SWAP70: variants seen among roughly 807,000 people sequenced by gnomAD.
The protein encoded by SWAP70 is switching B cell complex subunit SWAP70.
A neutral mutation model predicts 80.2 loss-of-function variants in SWAP70; 34 were observed. The ratio of observed to expected loss-of-function variants is 0.42; its 90% CI spans 0.32 to 0.56. The LOEUF is 0.56. SWAP70 is among the 20% of genes least tolerant of loss of function. The pLI, the probability that SWAP70 is intolerant of heterozygous loss-of-function variation, is 0.09. For missense variants in SWAP70, 578 were observed against 690.7 expected (o/e 0.84, Z 1.83); for synonymous variants, 239 against 238.5 (o/e 1.00, Z -0.02).
intron 9 of SWAP70, 72 bp downstream of exon 9, chr11:9,740,419 A>G (rs1250719467): frequency 6.9e-7 from 1 of 1,458,588 alleles, no homozygotes; most frequent in South Asian, 1.1e-5. Context: ...GGAATGACTA[A>G]CACTCTGGTG....
chr11:9,699,183 T>G (rs1266892634), intron 2 of SWAP70, among the ~76,000 whole-genome samples: 2 of 152,142 alleles, frequency 1.3e-5, no homozygotes, highest in African/African-American at 4.8e-5. Flanking sequence ...GGTGAGTGAT[T>G]ACTAATGATC....
intron 3 of SWAP70, among the ~76,000 whole-genome samples, chr11:9,716,727 C>G (rs1851071125): frequency 6.6e-6 from 1 of 152,278 alleles, no homozygotes; most frequent in South Asian, 2.1e-4. Flanking sequence ...TTAGGTGGAA[C>G]ATCCTTGTGG....
chr11:9,671,553 T>A (rs1850392147), intron 1 of SWAP70, among the ~76,000 whole-genome samples: 1 of 64,038 alleles, frequency 1.6e-5, no homozygotes, highest in African/African-American at 4.9e-5. Flanking sequence ...TATATAGAAA[T>A]ATATATAAAT....
rs545559568 is a variant in SWAP70, at chr11:9,722,118, A to G, written c.415-2540A>G. Among the ~76,000 whole-genome samples, 82 of 152,356 alleles carry G rather than the reference A, an allele frequency of 5.4e-4. No homozygotes were observed. The South Asian group carries it at 0.016, about 30-fold the overall frequency. ...TCACTCAGTGCAGAAGGGAAGCAAC[A>G]TTAGTGGAGTACCTACTATGTGATG... On this transcript the variant is annotated intron_variant, in intron 3 of 11. Coordinates refer to ENST00000318950, the MANE Select transcript of SWAP70 (RefSeq NM_015055.4).
At chr11:9,681,193 A>G (rs1026490655) in intron 1 of SWAP70, 1 of 152,280 alleles carries the variant, frequency 6.6e-6, no homozygotes. Flanking sequence ...GATCTTGTCC[A>G]GTATAATTGC....
At chr11:9,718,126 T>G (rs1205858067) in intron 3 of SWAP70, among the ~76,000 whole-genome samples, 4 of 152,274 alleles carry the variant, frequency 2.6e-5, no homozygotes. Context: ...GTCTTGATTC[T>G]CTTTCAAATC....
chr11:9,671,757 T>TTTCTATGTATAAATAG (rs1565109867), intron 1 of SWAP70, among the ~76,000 whole-genome samples: 1 of 44,878 alleles, frequency 2.2e-5, no homozygotes, highest in African/African-American at 6.6e-5. Flanking sequence ...TATAAATATA[T>TTTCTATGTATAAATAG]AAATATATAA....
Position 9,713,451 on chromosome 11 carries a change from C to T in SWAP70, c.241-15C>T. 2 of 1,602,718 alleles carry T rather than the reference C, an allele frequency of 1.2e-6. No individual in the cohort carries two copies. The highest frequency in any genetic ancestry group is 2.2e-5 in the East Asian group (1 of 44,724). On this transcript the variant is annotated splice_polypyrimidine_tract_variant and intron_variant, in intron 2 of 11. Coordinates refer to ENST00000318950, the MANE Select transcript of SWAP70 (RefSeq NM_015055.4). ...TCGGACTGATTTGTTGGAGTTTTTC[C>T]TTATTCCTTTTTAGGTCCAAGACAA...
At chr11:9,689,312 A>G (rs1263088057) in intron 1 of SWAP70, among the ~76,000 whole-genome samples, 1 of 152,236 alleles carries the variant, frequency 6.6e-6, no homozygotes, top group Admixed American at 6.5e-5. Flanking sequence ...TGGCAAGCAA[A>G]CCACTGAACA....
chr11:9,695,988 G>C (rs892509497), intron 2 of SWAP70, among the ~76,000 whole-genome samples: 1 of 152,038 alleles, frequency 6.6e-6, no homozygotes, highest in Non-Finnish European at 1.5e-5. Context: ...TAGAGACGGG[G>C]CTTTGCCATG....
chr11:9,690,817 G>A (rs905612019), intron 1 of SWAP70, among the ~76,000 whole-genome samples: 1 of 152,082 alleles, frequency 6.6e-6, no homozygotes, highest in African/African-American at 2.4e-5. Context: ...AAGTTTTAAA[G>A]ATAGTACACA....
At chr11:9,748,161 T>A in intron 10 of SWAP70, 105 bp downstream of exon 10, 2 of 1,226,076 alleles carry the variant, frequency 1.6e-6, no homozygotes, top group Non-Finnish European at 2.3e-6. Flanking sequence ...GTAGTAAGAA[T>A]CTTGCTTAGC....
chr11:9,718,138 A>G (rs1851089159), intron 3 of SWAP70, among the ~76,000 whole-genome samples: 1 of 152,250 alleles, frequency 6.6e-6, no homozygotes, highest in African/African-American at 2.4e-5. Context: ...TTTCAAATCA[A>G]GTTAATCTCA....
At chr11:9,710,683 A>T (rs1850984875) in intron 2 of SWAP70, among the ~76,000 whole-genome samples, 1 of 151,290 alleles carries the variant, frequency 6.6e-6, no homozygotes, top group Non-Finnish European at 1.5e-5. Context: ...TTTCAAAAAA[A>T]ATTTTTTTTT....
intron 3 of SWAP70, among the ~76,000 whole-genome samples, chr11:9,722,740 G>A (rs1429782643): frequency 6.6e-6 from 1 of 152,176 alleles, no homozygotes; most frequent in Non-Finnish European, 1.5e-5. Flanking sequence ...TATGGTAAGA[G>A]GGTAAACTAC....
At chr11:9,749,781 G>C in intron 11 of SWAP70, 83 bp from the exon 12 acceptor site, 1 of 822,132 alleles carries the variant, frequency 1.2e-6, no homozygotes, top group African/African-American at 1.7e-5. Context: ...AAGTAGGGAA[G>C]TTACTATTTT....
intron 3 of SWAP70, among the ~76,000 whole-genome samples, chr11:9,717,389 T>C (rs542472331): frequency 1.3e-5 from 2 of 152,144 alleles, no homozygotes; most frequent in Non-Finnish European, 2.9e-5. Context: ...ATCCCAGCAC[T>C]TTGGGAGGCT....
At chr11:9,691,870 T>G (rs1231194762) in intron 1 of SWAP70, among the ~76,000 whole-genome samples, 1 of 152,198 alleles carries the variant, frequency 6.6e-6, no homozygotes, top group Non-Finnish European at 1.5e-5. Flanking sequence ...TGGTGTTTTT[T>G]GTTTCCTGAA....
At chr11:9,688,356 A>G (rs1850657219) in intron 1 of SWAP70, among the ~76,000 whole-genome samples, 1 of 152,216 alleles carries the variant, frequency 6.6e-6, no homozygotes, top group African/African-American at 2.4e-5. Context: ...AACAGAGTGA[A>G]GAAAGATCAT....
Sources: allele counts gnomAD v4.1 joint callset (sites outside exome capture counted in the v4.1 genomes callset), GRCh38; gene constraint gnomAD v4.1.1; transcripts MANE v1.5; gene names NCBI Gene and HGNC (gene_info 2026-07-23, HGNC 2026-07-21).